Variants in DDX10 observed in about 807,000 individuals in gnomAD.
The protein encoded by DDX10 is probable ATP-dependent RNA helicase DDX10.
DDX10 carries 74 observed loss-of-function variants against 104.3 expected under a neutral mutation model. The observed-to-expected ratio is 0.71, with a 90% confidence interval of 0.59 to 0.86. The LOEUF (loss-of-function observed/expected upper bound fraction) is 0.86. Among genes scored for constraint, DDX10 ranks in the 40% least tolerant of loss-of-function variants. DDX10 has a pLI of 0.00. For missense variants in DDX10, 952 were observed against 1,040.0 expected (o/e 0.92, Z 1.16); for synonymous variants, 351 against 353.4 (o/e 0.99, Z 0.08).
intron 10 of DDX10, among the ~76,000 whole-genome samples, chr11:108,712,954 T>C (rs2094286466): frequency 6.6e-6 from 1 of 152,276 alleles, no homozygotes; most frequent in East Asian, 1.9e-4. Context: ...TCCAGGCTGG[T>C]GGTTTTTCTC....
chr11:108,811,279 A>G (rs1862176551), intron 13 of DDX10, among the ~76,000 whole-genome samples: 1 of 152,240 alleles, frequency 6.6e-6, no homozygotes, highest in African/African-American at 2.4e-5. Flanking sequence ...CAAGACCTGT[A>G]AAGTTAAGGG....
chr11:108,745,174 C>T (rs1317631913), intron 13 of DDX10, among the ~76,000 whole-genome samples: 5 of 133,776 alleles, frequency 3.7e-5, no homozygotes, highest in African/African-American at 5.5e-5. Flanking sequence ...CCCTTCCTCC[C>T]TCCCCTCCCC....
intron 10 of DDX10, among the ~76,000 whole-genome samples, chr11:108,707,661 G>A (rs1437597014): frequency 1.3e-5 from 2 of 152,032 alleles, no homozygotes; most frequent in Non-Finnish European, 2.9e-5. Flanking sequence ...GAGGGGTCAG[G>A]GAGAATAAGG....
intron 13 of DDX10, among the ~76,000 whole-genome samples, chr11:108,779,968 C>T (rs923598764): frequency 9.2e-5 from 14 of 152,130 alleles, no homozygotes; most frequent in African/African-American, 1.4e-4. Context: ...CTTAACTGTC[C>T]GTGAGACTGT....
At chr11:108,817,850 T>C (rs1394515770) in intron 13 of DDX10, among the ~76,000 whole-genome samples, 1 of 152,178 alleles carries the variant, frequency 6.6e-6, no homozygotes, top group Non-Finnish European at 1.5e-5. Flanking sequence ...TTTTACATAG[T>C]TCTTAAATGT....
intron 16 of DDX10, among the ~76,000 whole-genome samples, chr11:108,856,278 A>C (rs1294074074): frequency 2.0e-5 from 3 of 152,112 alleles, no homozygotes; most frequent in African/African-American, 7.2e-5. Flanking sequence ...AAAAATACAG[A>C]AATTAGCCAG....
chr11:108,921,249 CA>C (rs1409339147), intron 17 of DDX10: 3 of 152,188 alleles, frequency 2.0e-5, no homozygotes, highest in African/African-American at 7.2e-5. Flanking sequence ...AAACTAAAAC[CA>C]AAATTGTTTT....
chr11:108,878,058 T>C (rs1266331715), intron 16 of DDX10, among the ~76,000 whole-genome samples: 3 of 152,212 alleles, frequency 2.0e-5, no homozygotes, highest in Admixed American at 1.3e-4. Flanking sequence ...AAGGTTTTTT[T>C]ACATCTACTT....
rs528115377 is a variant in DDX10, at chr11:108,744,750, C to G, written c.1965+21288C>G. On this transcript the variant is annotated intron_variant, in intron 13 of 17. Coordinates refer to ENST00000322536, the MANE Select transcript of DDX10 (RefSeq NM_004398.4). ...TGTGGAAATGTTAAGTGAAATGATA[C>G]AAGATAGCAGTGTAAGAAAGACAAT... is the stretch of plus-strand genomic sequence containing the variant. Among the ~76,000 whole-genome samples, 11 of 152,250 alleles carry G rather than the reference C, an allele frequency of 7.2e-5. No individual in the cohort carries two copies. In the South Asian group the frequency reaches 2.3e-3, roughly 32 times the overall value.
chr11:108,695,305 C>T (rs922756629), intron 9 of DDX10, among the ~76,000 whole-genome samples: 2 of 152,200 alleles, frequency 1.3e-5, no homozygotes, highest in African/African-American at 4.8e-5. Context: ...TGTTTTCTTT[C>T]TCATCAAAAC....
intron 13 of DDX10, 64 bp downstream of exon 13, chr11:108,723,526 T>C: frequency 6.8e-7 from 1 of 1,478,404 alleles, no homozygotes; most frequent in Non-Finnish European, 9.0e-7. Context: ...ATTGTTGCCT[T>C]TTGGGGACTG....
At chr11:108,772,715 G>T (rs980026678) in intron 13 of DDX10, among the ~76,000 whole-genome samples, 3 of 152,186 alleles carry the variant, frequency 2.0e-5, no homozygotes, top group Admixed American at 2.0e-4. Context: ...GGGCATTACC[G>T]CCTGAGCTCC....
rs571763081 is a variant in DDX10, at chr11:108,728,549, C to A, written c.1965+5087C>A. Among the ~76,000 whole-genome samples, 34 of 134,680 alleles carry A rather than the reference C, an allele frequency of 2.5e-4. No homozygotes were observed. In the South Asian group the frequency reaches 7.6e-3, roughly 30 times the overall value. The allele number at this position is 134,680 out of a possible 152,430, so 88.4% of individuals were successfully genotyped here. A position where few individuals can be genotyped will look rare whatever the true frequency, so the allele number is the denominator to read the frequency against. ...TTTTTTTTAGAAATAGGGTCTCGCT[C>A]TGTCACACAGGCTAGAAGGCAGTGG... On this transcript the variant is annotated intron_variant, in intron 13 of 17. Transcript: ENST00000322536.
chr11:108,787,721 G>A (rs1158004803), intron 13 of DDX10, among the ~76,000 whole-genome samples: 1 of 151,898 alleles, frequency 6.6e-6, no homozygotes, highest in Non-Finnish European at 1.5e-5. Flanking sequence ...TCACCTGGAG[G>A]TCAGGAGTTC....
intron 13 of DDX10, among the ~76,000 whole-genome samples, chr11:108,734,050 T>TA (rs1020298172): frequency 4.6e-5 from 7 of 152,180 alleles, no homozygotes; most frequent in African/African-American, 1.7e-4. Flanking sequence ...AGCCATCCCT[T>TA]ACTTCTTCAA....
chr11:108,739,661 A>G (rs1433836309), intron 13 of DDX10, among the ~76,000 whole-genome samples: 1 of 152,162 alleles, frequency 6.6e-6, no homozygotes, highest in Admixed American at 6.5e-5. Context: ...TCTTTACCCC[A>G]ATTTGAGAGT....
chr11:108,914,850 C>G (rs1176416968), intron 16 of DDX10, among the ~76,000 whole-genome samples: 2 of 90,054 alleles, frequency 2.2e-5, no homozygotes, highest in African/African-American at 8.3e-5. Context: ...AAAAAAAAAA[C>G]TGGAAATCCT....
intron 16 of DDX10, among the ~76,000 whole-genome samples, chr11:108,880,452 TGG>T: frequency 6.6e-6 from 1 of 152,196 alleles, no homozygotes; most frequent in Non-Finnish European, 1.5e-5. Flanking sequence ...CCTTATGTGT[TGG>T]ATATGTAAAA....
At chr11:108,888,082 A>G (rs1591111508) in intron 16 of DDX10, among the ~76,000 whole-genome samples, 2 of 152,150 alleles carry the variant, frequency 1.3e-5, no homozygotes, top group East Asian at 3.9e-4. Context: ...TTTAGGTTAG[A>G]TGATTCATGG....
Sources: gnomAD v4.1 joint callset for allele counts (sites outside exome capture counted in the v4.1 genomes callset) on GRCh38, gnomAD v4.1.1 for gene constraint, MANE v1.5 for transcripts, NCBI Gene and HGNC (gene_info 2026-07-23, HGNC 2026-07-21) for gene names.